PHAX: variants seen among roughly 807,000 people sequenced by gnomAD.
The protein encoded by PHAX is phosphorylated adapter RNA export protein.
A neutral mutation model predicts 41.6 loss-of-function variants in PHAX; 31 were observed. That is an observed-to-expected ratio of 0.75 (90% CI 0.56 to 1.01). PHAX has a LOEUF of 1.01. PHAX is among the 50% of genes least tolerant of loss of function. The pLI, the probability that PHAX is intolerant of heterozygous loss-of-function variation, is 0.00. For missense variants in PHAX, 453 were observed against 472.9 expected, an observed-to-expected ratio of 0.96 and a Z score of 0.39; for synonymous variants, 175 against 164.9, an observed-to-expected ratio of 1.06 and a Z score of -0.47.
At chr5:126,606,800 C>T (rs1160629522) in intron 2 of PHAX, among the ~76,000 whole-genome samples, 11 of 148,938 alleles carry the variant, frequency 7.4e-5, no homozygotes, top group Non-Finnish European at 1.3e-4. Context: ...TAGAGGCGTG[C>T]GCCACCACGC....
At chr5:126,606,139 TTA>T (rs1471251497) in intron 2 of PHAX, among the ~76,000 whole-genome samples, 1 of 152,112 alleles carries the variant, frequency 6.6e-6, no homozygotes, top group Non-Finnish European at 1.5e-5. Context: ...TCAGCTAATG[TTA>T]TGTTTTTGTT....
At position 126,601,749 on chromosome 5, in the gene PHAX, C is replaced by T. The variant is rs1353468552; in HGVS notation, c.96+691C>T. On this transcript the variant is annotated intron_variant, in intron 1 of 4. Coordinates refer to ENST00000297540, the MANE Select transcript of PHAX (RefSeq NM_032177.4). ...TGGCGCGATCTCGGCTCACTGCAAC[C>T]TCCGCCTCCCGGGTTCAAGCGATTC... 3.3e-5 allele frequency among the ~76,000 whole-genome samples: 5 copies of T among 152,318 alleles called. No individual in the cohort carries two copies. In the East Asian group the frequency reaches 9.6e-4, roughly 29 times the overall value.
intron 1 of PHAX, among the ~76,000 whole-genome samples, chr5:126,601,665 C>G (rs866219916): frequency 6.6e-6 from 1 of 152,100 alleles, no homozygotes; most frequent in Admixed American, 6.5e-5. Flanking sequence ...GCATTAGCCT[C>G]TCTGATTTTG....
chr5:126,622,529 G>A (rs938572311), intron 4 of PHAX, among the ~76,000 whole-genome samples: 1 of 133,644 alleles, frequency 7.5e-6, no homozygotes, highest in Non-Finnish European at 1.5e-5. Context: ...CTGACCTCAA[G>A]TGATCTGACC....
intron 3 of PHAX, among the ~76,000 whole-genome samples, chr5:126,613,371 T>G (rs899858773): frequency 1.3e-5 from 2 of 152,044 alleles, no homozygotes; most frequent in African/African-American, 4.8e-5. Flanking sequence ...AACAAGCCAA[T>G]TTATATGACA....
Position 126,602,170 on chromosome 5 carries a change from C to T in PHAX, c.96+1112C>T, listed in dbSNP as rs574308536. ...CCATGTTGGCCAGGCTGGTCTTGAACTTCCGACCTCAAGTGATCCACCCGC... is the reference window on the plus strand; with the variant it reads ...CCATGTTGGCCAGGCTGGTCTTGAATTTCCGACCTCAAGTGATCCACCCGC... On this transcript the variant is annotated intron_variant, in intron 1 of 4. Transcript: ENST00000297540. Among the ~76,000 whole-genome samples the T allele has an allele frequency of 5.3e-5, 8 of 152,320 alleles. No homozygotes were observed. In the South Asian group the frequency reaches 6.2e-4, roughly 12 times the overall value.
chr5:126,616,536 G>C (rs1388419643), intron 3 of PHAX, among the ~76,000 whole-genome samples: 1 of 151,750 alleles, frequency 6.6e-6, no homozygotes, highest in Non-Finnish European at 1.5e-5. Context: ...TTTTATTTTG[G>C]AACCATACTG....
intron 2 of PHAX, 110 bp downstream of exon 2, chr5:126,604,293 T>TTTTTTTTG (rs1751956282): frequency 7.2e-6 from 7 of 965,848 alleles, no homozygotes; most frequent in African/African-American, 6.9e-5. Context: ...TTTTTTTTTT[T>TTTTTTTTG]GGAGACAGGG....
At chr5:126,607,722 A>G (rs927700115) in intron 2 of PHAX, among the ~76,000 whole-genome samples, 2 of 152,136 alleles carry the variant, frequency 1.3e-5, no homozygotes, top group Non-Finnish European at 2.9e-5. Context: ...ATCTGTTGAG[A>G]GTGTGAGCTT....
chr5:126,620,377 A>G (rs1183207167), intron 4 of PHAX, among the ~76,000 whole-genome samples: 1 of 152,240 alleles, frequency 6.6e-6, no homozygotes, highest in Non-Finnish European at 1.5e-5. Context: ...TGGACAAATA[A>G]TATTCTCAGG....
At chr5:126,619,738 T>C (rs1196233564) in intron 4 of PHAX, among the ~76,000 whole-genome samples, 2 of 152,222 alleles carry the variant, frequency 1.3e-5, no homozygotes, top group Non-Finnish European at 2.9e-5. Context: ...ATGTTTGTGT[T>C]ACTGGGAATA....
At chr5:126,619,216 C>T (rs1327077689) in intron 4 of PHAX, among the ~76,000 whole-genome samples, 2 of 152,158 alleles carry the variant, frequency 1.3e-5, no homozygotes, top group South Asian at 2.1e-4. Flanking sequence ...TGTTAGCCAC[C>T]TTGCCTGGCC....
chr5:126,603,803 A>C lies in PHAX; in HGVS notation c.330A>C (p.Gly110=). 6.2e-7 allele frequency: 1 copy of C among 1,614,132 alleles called. No individual in the cohort carries two copies. Among genetic ancestry groups the C allele is most frequent in the South Asian group, 1.1e-5 (1 of 91,072 alleles). The change falls in exon 2 of 5, where the codon GGA becomes GGC. Residue 110 remains glycine, a synonymous_variant. Coordinates refer to ENST00000297540, the MANE Select transcript of PHAX (RefSeq NM_032177.4). The part of the protein sequence containing the change: ...GQSSQKPPVA[G]GKKINNIWGA... ...GCAGTCAGAAACCACCTGTTGCTGGAGGAAAGAAGATTAACAACATATGGG... is the reference window on the plus strand; with the variant it reads ...GCAGTCAGAAACCACCTGTTGCTGGCGGAAAGAAGATTAACAACATATGGG...
rs1175826753 is a variant in PHAX, at chr5:126,626,390, TCAAAAC to T, written c.*1550_*1555del. The T allele has an allele frequency of 1.3e-5, 2 of 151,916 alleles. No individual in the cohort carries two copies. The highest frequency in any genetic ancestry group is 2.9e-5 in the Non-Finnish European group (2 of 68,008). 9.4% of individuals were successfully genotyped at this position (151,916 alleles called of 1,614,324 possible). A position where few individuals can be genotyped will look rare whatever the true frequency, so the allele number is the denominator to read the frequency against. On this transcript the variant is annotated 3_prime_UTR_variant, in exon 5 of 5. Coordinates refer to ENST00000297540, the MANE Select transcript of PHAX (RefSeq NM_032177.4). Reference sequence around the variant, plus strand: ...AGGTAGATCATTTGAGGTCAGGAGTTCAAAACCAACCTGGTCTACATGGTGAAACCC... The same window carrying T: ...AGGTAGATCATTTGAGGTCAGGAGTTCAACCTGGTCTACATGGTGAAACCC...
chr5:126,610,466 C>T lies in PHAX; in HGVS notation c.831+1982C>T, dbSNP rs60589426. 5.1e-3 allele frequency among the ~76,000 whole-genome samples: 781 copies of T among 152,228 alleles called. 6 individuals are homozygous for T. The highest frequency in any genetic ancestry group is 0.018 in the African/African-American group (743 of 41,550). ...TTAATAGCATTGGCTAAGGAAACAG[C>T]CTGTGAACATAAATTACAGAAGTCA... On this transcript the variant is annotated intron_variant, in intron 3 of 4. Transcript: ENST00000297540.
chr5:126,608,871 A>G (rs908120469), intron 3 of PHAX, among the ~76,000 whole-genome samples: 5 of 151,318 alleles, frequency 3.3e-5, no homozygotes, highest in Non-Finnish European at 7.4e-5. Flanking sequence ...GAGAGACCAG[A>G]GGTTTCAGTG....
chr5:126,602,159 C>A (rs1410325193), intron 1 of PHAX, among the ~76,000 whole-genome samples: 5 of 152,166 alleles, frequency 3.3e-5, no homozygotes, highest in African/African-American at 1.2e-4. Flanking sequence ...GTTGGCCAGG[C>A]TGGTCTTGAA....
intron 3 of PHAX, among the ~76,000 whole-genome samples, chr5:126,615,357 G>A (rs1752167578): frequency 1.3e-5 from 2 of 152,078 alleles, no homozygotes; most frequent in African/African-American, 4.8e-5. Context: ...GTCATTCACA[G>A]ATGTGCAGTG....
chr5:126,610,770 G>A (rs1023593873), intron 3 of PHAX, among the ~76,000 whole-genome samples: 26 of 151,068 alleles, frequency 1.7e-4, no homozygotes, highest in Non-Finnish European at 3.2e-4. Flanking sequence ...ACAGTGGCGC[G>A]ATCTCAGCTC....
Sources: gnomAD v4.1 joint callset for allele counts (sites outside exome capture counted in the v4.1 genomes callset) on GRCh38, gnomAD v4.1.1 for gene constraint, MANE v1.5 for transcripts, NCBI Gene and HGNC (gene_info 2026-07-23, HGNC 2026-07-21) for gene names.